Variants in BCOR observed in about 807,000 individuals in gnomAD.
BCOR encodes the protein BCL6 corepressor, also known as BCL-6 corepressor.
A neutral mutation model predicts 86.7 loss-of-function variants in BCOR; 10 were observed. That is an observed-to-expected ratio of 0.12 (90% CI 0.07 to 0.20). The LOEUF is 0.20. BCOR is among the 10% of genes least tolerant of loss of function. The probability of loss-of-function intolerance (pLI) is 1.00; values close to 1 mark genes in which losing one functional copy is unlikely to be tolerated. For synonymous variants in BCOR, 611 were observed against 609.0 expected (o/e 1.00, Z -0.05); for missense variants, 1,259 against 1,452.1 (o/e 0.87, Z 2.16).
At chrX:40,111,330 T>G (rs1469316317) in intron 1 of BCOR, among the ~76,000 whole-genome samples, 2 of 111,787 alleles carry the variant, frequency 1.8e-5, no homozygotes, top group African/African-American at 6.5e-5. Flanking sequence ...CTTTGCTGGT[T>G]CCCTATTTAT....
upstream of BCOR, among the ~76,000 whole-genome samples, chrX:40,099,540 G>A (rs912908696): frequency 1.8e-5 from 2 of 112,196 alleles, no homozygotes; most frequent in African/African-American, 3.2e-5. Flanking sequence ...AATCCACACG[G>A]AAAGTTTTTA....
At chrX:40,077,803 C>T (rs369043025) in intron 2 of BCOR, 41 bp downstream of exon 2, 181 of 1,148,040 alleles carry the variant, frequency 1.6e-4, no homozygotes, top group Non-Finnish European at 2.0e-4. Flanking sequence ...TCAGCATGGG[C>T]GTGGGCTCCA....
chrX:40,158,041 G>C (rs973500336), intron 1 of BCOR, among the ~76,000 whole-genome samples: 1 of 112,455 alleles, frequency 8.9e-6, no homozygotes, highest in African/African-American at 3.2e-5. Context: ...AGGTGTCCCA[G>C]GGCTGGAAGA....
At chrX:40,059,407 T>C (rs1934758764) in intron 10 of BCOR, among the ~76,000 whole-genome samples, 2 of 112,459 alleles carry the variant, frequency 1.8e-5, no homozygotes, top group Non-Finnish European at 3.8e-5. Flanking sequence ...GCAACGGGTC[T>C]GCTGGGAAGT....
At chrX:40,097,974 G>A (rs1484435514), upstream of BCOR, among the ~76,000 whole-genome samples, 2 of 109,360 alleles carry the variant, frequency 1.8e-5, no homozygotes, top group Admixed American at 1.9e-4. Context: ...CGCACGCCGC[G>A]ATCCCAACGC....
intron 8 of BCOR, 64 bp from the exon 9 acceptor site, chrX:40,063,135 C>A (rs1934995863): frequency 1.1e-6 from 1 of 896,782 alleles, no homozygotes; most frequent in East Asian, 3.4e-5. Context: ...GCGGGCGTTA[C>A]ACAGTTGTAG....
At chrX:40,128,150 G>C (rs1298537452) in intron 1 of BCOR, among the ~76,000 whole-genome samples, 1 of 111,244 alleles carries the variant, frequency 9.0e-6, no homozygotes, top group African/African-American at 3.3e-5. Flanking sequence ...TCTTGAACCC[G>C]GAAGGAGGAA....
chrX:40,055,695 C>T (rs896152888), intron 11 of BCOR, among the ~76,000 whole-genome samples, 182 bp from the exon 12 acceptor site: 2 of 111,403 alleles, frequency 1.8e-5, no homozygotes, highest in African/African-American at 6.5e-5. Context: ...GATAGGGAAA[C>T]TGAGCTACAG....
intron 1 of BCOR, among the ~76,000 whole-genome samples, chrX:40,145,895 G>T (rs201256019): frequency 9.0e-6 from 1 of 111,671 alleles, no homozygotes; most frequent in African/African-American, 3.3e-5. Flanking sequence ...GGGTGGCTCC[G>T]GGGTCACCTC....
intron 1 of BCOR, among the ~76,000 whole-genome samples, chrX:40,170,250 G>C (rs984819670): frequency 8.9e-6 from 1 of 112,169 alleles, no homozygotes; most frequent in African/African-American, 3.2e-5. Context: ...CTGGGGCTGG[G>C]GGAATGGCTA....
intron 1 of BCOR, among the ~76,000 whole-genome samples, chrX:40,141,095 G>C (rs767850548): frequency 6.4e-4 from 72 of 112,509 alleles, no homozygotes; most frequent in African/African-American, 2.2e-3. Context: ...GGAGGGGGTG[G>C]TCTGAGAGGG....
chrX:40,112,195 A>G (rs1036968483), intron 1 of BCOR, among the ~76,000 whole-genome samples: 2 of 110,979 alleles, frequency 1.8e-5, no homozygotes, highest in Non-Finnish European at 3.8e-5. Flanking sequence ...GGGCTTTTCT[A>G]TGCTCTACCA....
intron 1 of BCOR, among the ~76,000 whole-genome samples, chrX:40,114,227 G>A (rs1937358457): frequency 8.9e-6 from 1 of 112,034 alleles, no homozygotes; most frequent in African/African-American, 3.2e-5. Flanking sequence ...CTGGACTGGT[G>A]GGGAGTGGCT....
In BCOR at chrX:40,121,060, T is replaced by C. The variant is rs768537878; in HGVS notation, c.-40-43091A>G. On this transcript the variant is annotated intron_variant, in intron 1 of 14. Coordinates refer to the BCOR transcript ENST00000342274. ...GCTGTGTTTAAGGAACAACCAGGAT[T>C]CTAGGGTGGCCAGATTGCAAAAGAG... is the stretch of plus-strand genomic sequence containing the variant. 2.7e-5 allele frequency among the ~76,000 whole-genome samples: 3 copies of C among 110,787 alleles called. No homozygotes were observed. The East Asian group carries it at 8.6e-4, about 32-fold the overall frequency.
At chrX:40,092,989 G>A (rs1936688241) in intron 1 of BCOR, among the ~76,000 whole-genome samples, 1 of 112,345 alleles carries the variant, frequency 8.9e-6, no homozygotes. Flanking sequence ...ATGGATGTAT[G>A]CATATGAATG....
intron 1 of BCOR, among the ~76,000 whole-genome samples, chrX:40,103,381 C>T: frequency 9.1e-6 from 1 of 110,443 alleles, no homozygotes; most frequent in Non-Finnish European, 1.9e-5. Context: ...AGCCTTGCAT[C>T]CCCCCCTCCC....
intron 1 of BCOR, among the ~76,000 whole-genome samples, chrX:40,168,953 C>T (rs988227595): frequency 1.8e-5 from 2 of 112,535 alleles, no homozygotes; most frequent in African/African-American, 3.2e-5. Flanking sequence ...CAGGGCGAAG[C>T]TGCGCGCAGG....
intron 1 of BCOR, among the ~76,000 whole-genome samples, chrX:40,155,856 G>T (rs1247716474): frequency 8.8e-6 from 1 of 113,013 alleles, no homozygotes; most frequent in Non-Finnish European, 1.9e-5. Flanking sequence ...GGGTGGGGAG[G>T]GGGGGCGCGC....
intron 14 of BCOR, 188 bp downstream of exon 14, chrX:40,053,698 C>G (rs188694240): frequency 4.6e-5 from 23 of 503,074 alleles, no homozygotes; most frequent in Non-Finnish European, 5.4e-5. Flanking sequence ...CCCCACCCCC[C>G]ACCACACTGG....
Sources: gnomAD v4.1 joint callset for allele counts (sites outside exome capture counted in the v4.1 genomes callset) on GRCh38, gnomAD v4.1.1 for gene constraint, MANE v1.5 for transcripts, NCBI Gene and HGNC (gene_info 2026-07-23, HGNC 2026-07-21) for gene names.